The following AZIN2 variants were observed in gnomAD, a reference collection of about 807,000 sequenced individuals.
AZIN2 encodes antizyme inhibitor 2.
A neutral mutation model predicts 47.8 loss-of-function variants in AZIN2; 28 were observed. The observed-to-expected ratio is 0.59, with a 90% confidence interval of 0.43 to 0.80. The LOEUF is 0.80. Among genes scored for constraint, AZIN2 ranks in the 30% least tolerant of loss-of-function variants. AZIN2 has a pLI of 0.00. For missense variants in AZIN2, 535 were observed against 582.5 expected (o/e 0.92, Z 0.84); for synonymous variants, 221 against 239.4 (o/e 0.92, Z 0.71).
At chr1:33,093,031 T>C (rs948321157) in intron 6 of AZIN2, among the ~76,000 whole-genome samples, 4 of 152,194 alleles carry the variant, frequency 2.6e-5, no homozygotes, top group Non-Finnish European at 5.9e-5. Context: ...TTGGAGGGAC[T>C]GGAGCTGCCC....
In AZIN2 at chr1:33,081,725, C is replaced by G. The variant is rs1641276215; in HGVS notation, c.-160C>G. On this transcript the variant is annotated 5_prime_UTR_variant, in exon 3 of 12. Coordinates refer to ENST00000294517, the MANE Select transcript of AZIN2 (RefSeq NM_052998.4). The surrounding 1 kb of genome is among the most constrained non-coding windows in gnomAD (Gnocchi z 4.2). ...CGGCTCCGAAAGGGTCAGAGGGTAC[C>G]CGAGGTCAAGCAGTAGAGAGCGGAC... 5.3e-6 allele frequency: 1 copy of G among 188,762 alleles called. No individual in the cohort carries two copies. Among genetic ancestry groups the G allele is most frequent in the Non-Finnish European group, 1.1e-5 (1 of 89,510 alleles). 11.7% of individuals were successfully genotyped at this position (188,762 alleles called of 1,614,324 possible). A position where few individuals can be genotyped will look rare whatever the true frequency, so the allele number is the denominator to read the frequency against.
chr1:33,097,633 G>A (rs541158172), intron 9 of AZIN2, among the ~76,000 whole-genome samples: 12 of 152,310 alleles, frequency 7.9e-5, no homozygotes, highest in African/African-American at 2.6e-4. Flanking sequence ...TCCTGTGTTC[G>A]TGTGTGGCAT....
the AZIN2 span, among the ~76,000 whole-genome samples, chr1:33,140,234 C>T: frequency 6.6e-6 from 1 of 152,186 alleles, no homozygotes; most frequent in Non-Finnish European, 1.5e-5. The surrounding 1 kb of genome is among the most constrained non-coding windows in gnomAD (Gnocchi z 4.0). Flanking sequence ...AAGGAGCTGT[C>T]CAGGGTCATT....
At chr1:33,094,460 G>C (rs1642920221) in intron 7 of AZIN2, 88 bp from the exon 8 acceptor site, 1 of 1,384,274 alleles carries the variant, frequency 7.2e-7, no homozygotes, top group African/African-American at 1.4e-5. Flanking sequence ...AGTGTCTCAT[G>C]TGCCTGCCCA....
chr1:33,139,945 G>A, the AZIN2 span, among the ~76,000 whole-genome samples: 4 of 152,124 alleles, frequency 2.6e-5, no homozygotes, highest in Non-Finnish European at 2.9e-5. Flanking sequence ...CTACTCTTCC[G>A]GGAGTGGTTC....
At chr1:33,082,413 C>A (rs1275354333) in intron 4 of AZIN2, 59 bp downstream of exon 4, 2 of 1,292,012 alleles carry the variant, frequency 1.5e-6, no homozygotes, top group African/African-American at 3.0e-5. Context: ...GCTGCCTCCT[C>A]AGGAAGGGTC....
At chr1:33,119,967 A>C (rs1338055619) in intron 11 of AZIN2, 77 bp from the exon 12 acceptor site, 1 of 1,592,814 alleles carries the variant, frequency 6.3e-7, no homozygotes. Context: ...CCCTCTGCCC[A>C]ATGGGGCTGC....
chr1:33,105,098 T>C (rs1410729041), intron 10 of AZIN2, among the ~76,000 whole-genome samples: 1 of 152,238 alleles, frequency 6.6e-6, no homozygotes, highest in Non-Finnish European at 1.5e-5. Context: ...AAAGGTGTTT[T>C]TGTTAATATA....
Position 33,081,797 on chromosome 1 carries a change from AC to A in AZIN2, c.-86del, listed in dbSNP as rs1641284975. On this transcript the variant is annotated 5_prime_UTR_variant, in exon 3 of 12. It removes the in-frame stop codon of an upstream open reading frame in the 5' UTR. Transcript: ENST00000294517. This position sits in a 1 kb window ranked among gnomAD's most constrained non-coding sequence, Gnocchi z 4.2. ...TAGGCTGAGACGCCTTGATGTGGCC[AC>A]CGGCTACCCTCTAGGTGGGCGTGGT... 1 of 251,970 alleles carries A rather than the reference AC, an allele frequency of 4.0e-6. No individual in the cohort carries two copies. Among genetic ancestry groups the A allele is most frequent in the Admixed American group, 5.2e-5 (1 of 19,200 alleles). 15.6% of individuals were successfully genotyped at this position (251,970 alleles called of 1,614,324 possible).
chr1:33,151,110 G>A, the AZIN2 span, among the ~76,000 whole-genome samples: 1 of 152,060 alleles, frequency 6.6e-6, no homozygotes, highest in Admixed American at 6.5e-5. Context: ...ACTGATGAGT[G>A]GGAGGGCACC....
At chr1:33,157,032 C>T in the AZIN2 span, among the ~76,000 whole-genome samples, 1 of 151,686 alleles carries the variant, frequency 6.6e-6, no homozygotes, top group Non-Finnish European at 1.5e-5. Flanking sequence ...CATCCTTCAC[C>T]CCCTTCGGTC....
Position 33,093,277 on chromosome 1 carries a change from A to G in AZIN2, c.453-5A>G. The G allele has an allele frequency of 1.2e-6, 2 of 1,613,912 alleles. No individual in the cohort carries two copies. The highest frequency in any genetic ancestry group is 1.7e-6 in the Non-Finnish European group (2 of 1,179,856). On this transcript the variant is annotated splice_polypyrimidine_tract_variant and splice_region_variant and intron_variant, in intron 6 of 11. Transcript: ENST00000294517. ...CCAGCAGAGGGGCACTGCGTGTCTCATCAGGATGGTTCTGTGCATTGCTAC... is the reference window on the plus strand; with the variant it reads ...CCAGCAGAGGGGCACTGCGTGTCTCGTCAGGATGGTTCTGTGCATTGCTAC...
At chr1:33,102,292 G>A (rs951293941) in intron 10 of AZIN2, among the ~76,000 whole-genome samples, 2 of 152,152 alleles carry the variant, frequency 1.3e-5, no homozygotes, top group African/African-American at 4.8e-5. Context: ...CTGGCCAAAT[G>A]TGTTTCCCGG....
At chr1:33,114,673 T>TTTTTTA (rs1644452710) in intron 10 of AZIN2, among the ~76,000 whole-genome samples, 1 of 140,330 alleles carries the variant, frequency 7.1e-6, no homozygotes, top group African/African-American at 2.7e-5. Flanking sequence ...TTTTTTTTTT[T>TTTTTTA]GAGATGGAGT....
downstream of AZIN2, among the ~76,000 whole-genome samples, chr1:33,125,174 C>A (rs1644848267): frequency 6.6e-6 from 1 of 152,202 alleles, no homozygotes; most frequent in Non-Finnish European, 1.5e-5. Context: ...CTGCCCAAGC[C>A]ATCTCATTCC....
chr1:33,136,256 T>C, the AZIN2 span, among the ~76,000 whole-genome samples: 1 of 151,374 alleles, frequency 6.6e-6, no homozygotes, highest in Non-Finnish European at 1.5e-5. Context: ...TCTCTCTTTC[T>C]TTTTCTTTCT....
chr1:33,149,877 C>T, the AZIN2 span, among the ~76,000 whole-genome samples: 1 of 152,214 alleles, frequency 6.6e-6, no homozygotes, highest in Admixed American at 6.5e-5. Context: ...TCTAATGGGG[C>T]TCTCCCTTGT....
chr1:33,132,874 G>C, the AZIN2 span, among the ~76,000 whole-genome samples: 1 of 152,242 alleles, frequency 6.6e-6, no homozygotes, highest in Non-Finnish European at 1.5e-5. Context: ...TTAGCGGCAT[G>C]AGAGGCACCT....
chr1:33,094,766 G>T, intron 8 of AZIN2, 53 bp downstream of exon 8: 1 of 1,598,588 alleles, frequency 6.3e-7, no homozygotes, highest in South Asian at 1.1e-5. Flanking sequence ...GGAGGATAGG[G>T]AGGGATTAGA....
Sources: allele counts gnomAD v4.1 joint callset (sites outside exome capture counted in the v4.1 genomes callset), GRCh38; gene constraint gnomAD v4.1.1; non-coding constraint Gnocchi (gnomAD v3.1); transcripts MANE v1.5; gene names NCBI Gene and HGNC (gene_info 2026-07-23, HGNC 2026-07-21).